Variants in PLD5 observed in about 807,000 individuals in gnomAD.
The protein encoded by PLD5 is phospholipase D family member 5.
In PLD5, 36 loss-of-function variants were observed where a neutral mutation model predicts 61.1. The ratio of observed to expected loss-of-function variants is 0.59; its 90% CI spans 0.45 to 0.78. The LOEUF (loss-of-function observed/expected upper bound fraction) is 0.78, where lower values mean the gene tolerates loss of function less well. PLD5 is among the 30% of genes least tolerant of loss of function. PLD5 has a pLI of 0.00. For missense variants in PLD5, 515 were observed against 644.4 expected (o/e 0.80, Z 2.17); for synonymous variants, 243 against 242.8 (o/e 1.00, Z -0.01).
At chr1:242,205,932 C>A (rs980827549) in intron 5 of PLD5, among the ~76,000 whole-genome samples, 1 of 152,208 alleles carries the variant, frequency 6.6e-6, no homozygotes, top group Non-Finnish European at 1.5e-5. Context: ...AGCACCCTTT[C>A]TCCTTGTTAA....
At chr1:242,318,182 T>C (rs528396678) in intron 2 of PLD5, among the ~76,000 whole-genome samples, 10 of 151,082 alleles carry the variant, frequency 6.6e-5, no homozygotes, top group African/African-American at 2.4e-4. Flanking sequence ...TGAAGGAGAG[T>C]GTGAGTGTAG....
chr1:242,107,057 G>C (rs1024073725), intron 8 of PLD5, among the ~76,000 whole-genome samples: 6 of 152,180 alleles, frequency 3.9e-5, no homozygotes, highest in African/African-American at 1.4e-4. Flanking sequence ...AAGGGACCTG[G>C]GGCAAGCATG....
intron 5 of PLD5, among the ~76,000 whole-genome samples, chr1:242,135,910 T>C (rs1050838063): frequency 1.3e-5 from 2 of 152,168 alleles, no homozygotes; most frequent in Non-Finnish European, 2.9e-5. Flanking sequence ...GGCAGGAAGA[T>C]TGACCTCCCT....
intron 1 of PLD5, among the ~76,000 whole-genome samples, chr1:242,376,133 C>T (rs1661939319): frequency 6.6e-6 from 1 of 152,182 alleles, no homozygotes; most frequent in Non-Finnish European, 1.5e-5. Flanking sequence ...ACTTTCCCTC[C>T]TTGTGCTCTT....
chr1:242,207,934 A>T (rs866932531), intron 5 of PLD5, among the ~76,000 whole-genome samples: 24 of 70,050 alleles, frequency 3.4e-4, no homozygotes, highest in East Asian at 1.2e-3. Context: ...ATATATATTT[A>T]TATATTTATA....
chr1:242,450,094 C>G (rs1278135305), intron 1 of PLD5, among the ~76,000 whole-genome samples: 1 of 152,200 alleles, frequency 6.6e-6, no homozygotes, highest in East Asian at 1.9e-4. Context: ...GTGCTGCTCA[C>G]TTATATGAAA....
chr1:242,420,778 C>T (rs1665093649), intron 1 of PLD5, among the ~76,000 whole-genome samples: 1 of 152,146 alleles, frequency 6.6e-6, no homozygotes, highest in Non-Finnish European at 1.5e-5. Flanking sequence ...TCGAGAAATT[C>T]CTTTTACATA....
chr1:242,269,701 G>A (rs890713603), intron 3 of PLD5, among the ~76,000 whole-genome samples: 4 of 152,116 alleles, frequency 2.6e-5, no homozygotes, highest in African/African-American at 9.7e-5. Flanking sequence ...GGTGGGGAAG[G>A]CAAGTTATAA....
At chr1:242,480,587 T>C (rs1287399737) in intron 1 of PLD5, among the ~76,000 whole-genome samples, 1 of 152,142 alleles carries the variant, frequency 6.6e-6, no homozygotes, top group East Asian at 1.9e-4. Flanking sequence ...GGAGAAAATA[T>C]TTGCAATATA....
At chr1:242,106,815 G>T (rs187312199) in intron 8 of PLD5, among the ~76,000 whole-genome samples, 2 of 152,322 alleles carry the variant, frequency 1.3e-5, no homozygotes, top group East Asian at 3.9e-4. Context: ...GCTGCATGGG[G>T]GTTGAGAAAA....
At chr1:242,492,492 A>G (rs1294686697) in intron 1 of PLD5, among the ~76,000 whole-genome samples, 1 of 150,498 alleles carries the variant, frequency 6.6e-6, no homozygotes, top group East Asian at 1.9e-4. Context: ...ATTGCACTCC[A>G]GTATGGATAA....
chr1:242,398,404 C>T (rs947233665), intron 1 of PLD5, among the ~76,000 whole-genome samples: 1 of 152,190 alleles, frequency 6.6e-6, no homozygotes, highest in Admixed American at 6.5e-5. Flanking sequence ...AAAATACAGA[C>T]ATCTTATTGA....
At chr1:242,424,846 T>C (rs1194127114) in intron 1 of PLD5, among the ~76,000 whole-genome samples, 1 of 152,146 alleles carries the variant, frequency 6.6e-6, no homozygotes, top group African/African-American at 2.4e-5. Flanking sequence ...AATCATGTGT[T>C]GCTGACCGGG....
At chr1:242,478,919 A>G (rs1020709977) in intron 1 of PLD5, among the ~76,000 whole-genome samples, 6 of 152,250 alleles carry the variant, frequency 3.9e-5, no homozygotes, top group Admixed American at 3.9e-4. Context: ...ATTACAAAAT[A>G]TTCACATGAT....
chr1:242,282,818 A>G (rs1574662086), intron 3 of PLD5, among the ~76,000 whole-genome samples: 2 of 152,232 alleles, frequency 1.3e-5, no homozygotes, highest in East Asian at 3.9e-4. Context: ...AGGAATTTCA[A>G]CATTTTAGGG....
chr1:242,376,947 T>C, intron 1 of PLD5: 5 of 1,609,328 alleles, frequency 3.1e-6, no homozygotes, highest in Non-Finnish European at 2.5e-6. Flanking sequence ...GCTCATCCTT[T>C]TGGATTTGAT....
intron 1 of PLD5, among the ~76,000 whole-genome samples, chr1:242,397,403 A>G (rs899784146): frequency 4.6e-5 from 7 of 151,134 alleles, no homozygotes; most frequent in African/African-American, 1.5e-4. Context: ...TTCAAAATAC[A>G]CTCAGTATTT....
intron 5 of PLD5, among the ~76,000 whole-genome samples, chr1:242,218,557 T>C (rs1484327940): frequency 6.6e-6 from 1 of 152,250 alleles, no homozygotes; most frequent in Non-Finnish European, 1.5e-5. Context: ...CATATCATTA[T>C]GGATTTGCAA....
At chr1:242,243,579 C>T (rs1672187738) in intron 4 of PLD5, among the ~76,000 whole-genome samples, 1 of 152,172 alleles carries the variant, frequency 6.6e-6, no homozygotes, top group Admixed American at 6.5e-5. Flanking sequence ...GTTCTATGTA[C>T]ATGGCAGGAA....
Sources: gnomAD v4.1 joint callset for allele counts (sites outside exome capture counted in the v4.1 genomes callset) on GRCh38, gnomAD v4.1.1 for gene constraint, MANE v1.5 for transcripts, NCBI Gene and HGNC (gene_info 2026-07-23, HGNC 2026-07-21) for gene names.